Variants in SMOC2 observed in about 807,000 individuals in gnomAD.
SMOC2 encodes the protein SPARC-related modular calcium-binding protein 2.
In SMOC2, 39 loss-of-function variants were observed where a neutral mutation model predicts 61.4. The observed-to-expected ratio is 0.64, with a 90% CI of 0.49 to 0.83. The LOEUF is 0.83. SMOC2 is among the 40% of genes least tolerant of loss of function. SMOC2 has a pLI of 0.00. For missense variants in SMOC2, 556 were observed against 592.9 expected, an observed-to-expected ratio of 0.94 and a Z score of 0.65; for synonymous variants, 247 against 239.9, an observed-to-expected ratio of 1.03 and a Z score of -0.27.
intron 2 of SMOC2, among the ~76,000 whole-genome samples, chr6:168,518,473 G>GT (rs1169510682): frequency 7.0e-6 from 1 of 143,878 alleles, no homozygotes; most frequent in Admixed American, 7.2e-5. Context: ...TCATGTGCCT[G>GT]TGAGTGTACA....
intron 1 of SMOC2, 111 bp from the exon 2 acceptor site, chr6:168,509,804 C>T (rs1782962843): frequency 5.7e-6 from 6 of 1,048,716 alleles, no homozygotes; most frequent in Non-Finnish European, 8.1e-6. Flanking sequence ...TGGTGTTATC[C>T]CTCAAGCTTT....
intron 7 of SMOC2, among the ~76,000 whole-genome samples, chr6:168,598,284 C>T (rs1378958791): frequency 6.6e-6 from 1 of 152,190 alleles, no homozygotes; most frequent in Non-Finnish European, 1.5e-5. Flanking sequence ...GTCTCCCCCT[C>T]GTTTGGGGGT....
intron 9 of SMOC2, among the ~76,000 whole-genome samples, chr6:168,643,026 T>A (rs1786931716): frequency 6.6e-6 from 1 of 152,226 alleles, no homozygotes; most frequent in African/African-American, 2.4e-5. Flanking sequence ...GTACTTGTTA[T>A]GTTCCAGAGG....
intron 1 of SMOC2, among the ~76,000 whole-genome samples, chr6:168,460,272 A>G (rs1781690647): frequency 6.6e-6 from 1 of 152,214 alleles, no homozygotes; most frequent in Non-Finnish European, 1.5e-5. Context: ...AAATTATGGG[A>G]TATCCTTCTA....
chr6:168,574,364 GC>G (rs1217541232), intron 7 of SMOC2, among the ~76,000 whole-genome samples: 1 of 152,222 alleles, frequency 6.6e-6, no homozygotes. Flanking sequence ...CCGGGAGGAA[GC>G]CCCCGTCCTT....
At chr6:168,609,522 C>T (rs961991332) in intron 9 of SMOC2, among the ~76,000 whole-genome samples, 5 of 152,146 alleles carry the variant, frequency 3.3e-5, no homozygotes, top group African/African-American at 1.2e-4. Context: ...GCCTTTGACC[C>T]CGTGTCTGCA....
intron 9 of SMOC2, among the ~76,000 whole-genome samples, chr6:168,640,803 C>T (rs556872176): frequency 6.6e-6 from 1 of 152,114 alleles, no homozygotes; most frequent in South Asian, 2.1e-4. Flanking sequence ...AGAAAAGTTT[C>T]TCTTTTGACT....
intron 7 of SMOC2, among the ~76,000 whole-genome samples, chr6:168,570,883 G>A (rs1583120216): frequency 6.6e-6 from 1 of 152,214 alleles, no homozygotes; most frequent in African/African-American, 2.4e-5. Context: ...CTGGGGGGCA[G>A]TGTATTTTTT....
chr6:168,580,780 T>G (rs1425689798), intron 7 of SMOC2, among the ~76,000 whole-genome samples: 2 of 152,184 alleles, frequency 1.3e-5, no homozygotes, highest in African/African-American at 4.8e-5. Context: ...TGGGCTTAAG[T>G]GATCCTCCTA....
chr6:168,515,643 G>A (rs989379390), intron 2 of SMOC2, among the ~76,000 whole-genome samples: 14 of 152,282 alleles, frequency 9.2e-5, no homozygotes, highest in Admixed American at 9.2e-4. Context: ...CGCCCTGAGG[G>A]GCCGGCTCCT....
At chr6:168,468,086 G>C (rs1027717526) in intron 1 of SMOC2, among the ~76,000 whole-genome samples, 11 of 152,118 alleles carry the variant, frequency 7.2e-5, no homozygotes, top group Admixed American at 2.0e-4. Context: ...TAACTCAGGG[G>C]GGCTCTGAGG....
chr6:168,515,518 G>C (rs1358280404), intron 2 of SMOC2, among the ~76,000 whole-genome samples: 2 of 144,996 alleles, frequency 1.4e-5, no homozygotes, highest in Admixed American at 1.4e-4. Flanking sequence ...TTGAAAAGGG[G>C]CTCCTGCCTC....
intron 8 of SMOC2, among the ~76,000 whole-genome samples, chr6:168,604,260 C>T (rs1785630824): frequency 6.6e-6 from 1 of 152,208 alleles, no homozygotes; most frequent in South Asian, 2.1e-4. Flanking sequence ...CCCTAGAATT[C>T]TGCTAGCAAA....
chr6:168,519,118 TGCATGCATGTGTATGTGTGCATGTGTGA>T (rs1783256406), intron 2 of SMOC2, among the ~76,000 whole-genome samples: 1 of 101,586 alleles, frequency 9.8e-6, no homozygotes. Context: ...CGCGTGTGTA[TGCATGCATGTGTATGTGTGCATGTGTGA>T]GCATGCGTGT....
chr6:168,637,549 TAGAGG>T (rs1786771018), intron 9 of SMOC2, among the ~76,000 whole-genome samples: 1 of 152,216 alleles, frequency 6.6e-6, no homozygotes, highest in Non-Finnish European at 1.5e-5. Flanking sequence ...GTCGACTTGC[TAGAGG>T]ATCCTGGAGA....
intron 2 of SMOC2, among the ~76,000 whole-genome samples, chr6:168,512,523 T>TG (rs1352275707): frequency 6.6e-6 from 1 of 152,184 alleles, no homozygotes; most frequent in Non-Finnish European, 1.5e-5. Context: ...AGGAACAAAA[T>TG]GCAGTAAAAA....
chr6:168,457,349 A>G (rs2763276), intron 1 of SMOC2, among the ~76,000 whole-genome samples: 111,737 of 152,046 alleles, frequency 0.73, 41,515 homozygotes, highest in African/African-American at 0.83. Context: ...GATGCCACCC[A>G]TCCAACCCCA....
chr6:168,485,958 A>C (rs1421756420), intron 1 of SMOC2, among the ~76,000 whole-genome samples: 2 of 152,232 alleles, frequency 1.3e-5, no homozygotes, highest in African/African-American at 2.4e-5. Flanking sequence ...AGCAACTGCA[A>C]ATATTTAACT....
chr6:168,509,119 C>T (rs569555074), intron 1 of SMOC2, among the ~76,000 whole-genome samples: 14 of 152,272 alleles, frequency 9.2e-5, no homozygotes, highest in South Asian at 4.1e-4. Context: ...GGGGCCAGCA[C>T]GCCCAGATCG....
Sources: allele counts gnomAD v4.1 joint callset (sites outside exome capture counted in the v4.1 genomes callset), GRCh38; gene constraint gnomAD v4.1.1; transcripts MANE v1.5; gene names NCBI Gene and HGNC (gene_info 2026-07-23, HGNC 2026-07-21).